The following TSPOAP1 variants were observed in gnomAD, a reference collection of about 807,000 sequenced individuals.
TSPOAP1 encodes the protein peripheral-type benzodiazepine receptor-associated protein 1.
In TSPOAP1, 87 loss-of-function variants were observed where a neutral mutation model predicts 197.0. The ratio of observed to expected loss-of-function variants is 0.44; its 90% confidence interval spans 0.37 to 0.53. The LOEUF is 0.53. Ranked by LOEUF, TSPOAP1 falls within the 20% of genes least tolerant of loss-of-function variation. The pLI, the probability that TSPOAP1 is intolerant of heterozygous loss-of-function variation, is 0.00. For missense variants in TSPOAP1, 2,174 were observed against 2,411.3 expected (o/e 0.90, Z 2.06); for synonymous variants, 913 against 998.9 (o/e 0.91, Z 1.62).
rs1264515766 is a variant in TSPOAP1, at chr17:58,305,160, A to G, written c.5445T>C (p.Asn1815=). 1.2e-6 allele frequency: 2 copies of G among 1,612,988 alleles called. No homozygotes were observed. Among genetic ancestry groups the G allele is most frequent in the East Asian group, 2.2e-5 (1 of 44,866 alleles). The change falls in exon 30 of 32, where the codon AAT becomes AAC. Residue 1815 remains asparagine (N), a synonymous_variant. Transcript: ENST00000343736. Reference sequence around the variant, plus strand: ...TGGATGGAACCAGGCCCCTTTGTCCATTTAATTCCCCCTGGAGAGAAGAGG... The same window carrying G: ...TGGATGGAACCAGGCCCCTTTGTCCGTTTAATTCCCCCTGGAGAGAAGAGG... The part of the protein sequence containing the change: ...DDDGFYYGEL[N]GQRGLVPSNF...
In TSPOAP1 at chr17:58,307,680, G is replaced by T. The variant is rs780942701; in HGVS notation, c.4914C>A (p.Pro1638=). 6.2e-7 allele frequency: 1 copy of T among 1,614,158 alleles called. No individual in the cohort carries two copies. The highest frequency in any genetic ancestry group is 8.5e-7 in the Non-Finnish European group (1 of 1,180,034). The change falls in exon 24 of 32, where the codon CCC becomes CCA. Residue 1638 remains proline, a synonymous_variant. Coordinates refer to ENST00000343736, the MANE Select transcript of TSPOAP1 (RefSeq NM_004758.4). The part of the protein sequence containing the change: ...RIFVALFDYD[P]VSMSPNPDAG... ...CATCAGGATTGGGCGACATTGACAC[G>T]GGGTCATAGTCAAACAGAGCCACAA... is the stretch of plus-strand genomic sequence containing the variant.
chr17:58,327,849 C>G lies in TSPOAP1; in HGVS notation c.72G>C (p.Trp24Cys), dbSNP rs569603248. 1 of 1,613,606 alleles carries G rather than the reference C, an allele frequency of 6.2e-7. No individual in the cohort carries two copies. The highest frequency in any genetic ancestry group is 1.3e-5 in the African/African-American group (1 of 74,934). ...CCCCTCGACCTGGAGTCCAGCTATGCCAGGTGGGCAGTGCCCATGGCTCCA... is the reference window on the plus strand; with the variant it reads ...CCCCTCGACCTGGAGTCCAGCTATGGCAGGTGGGCAGTGCCCATGGCTCCA... Reference protein sequence around the residue: ...GAMEPWALPTWHSWTPGRGGE... With the variant: ...GAMEPWALPTCHSWTPGRGGE... Residue 24 changes from tryptophan (W) to cysteine (C), a missense_variant, in exon 1 of 32, where the codon TGG (tryptophan) becomes TGC (cysteine). Around this residue, in one of 5 missense-constraint regions of TSPOAP1, gnomAD observed 1,933 missense variants for 2,139.0 expected, o/e 0.90. Coordinates refer to ENST00000343736, the MANE Select transcript of TSPOAP1 (RefSeq NM_004758.4).
Position 58,326,615 on chromosome 17 carries a change from T to G in TSPOAP1, c.441+68A>C. 1 of 1,565,176 alleles carries G rather than the reference T, an allele frequency of 6.4e-7. No homozygotes were observed. Among genetic ancestry groups the G allele is most frequent in the Non-Finnish European group, 8.8e-7 (1 of 1,138,424 alleles). On this transcript the variant is annotated intron_variant, in intron 2 of 31. Coordinates refer to ENST00000343736, the MANE Select transcript of TSPOAP1 (RefSeq NM_004758.4). The surrounding 1 kb of genome is among the most constrained non-coding windows in gnomAD (Gnocchi z 4.7). Reference sequence around the variant, plus strand: ...CCCACTTGGAAAGATGTTCATGGGGTGAGGAGGGCACTGAGGCAGAGGGCC... The same window carrying G: ...CCCACTTGGAAAGATGTTCATGGGGGGAGGAGGGCACTGAGGCAGAGGGCC...
At chr17:58,325,063 C>T in intron 4 of TSPOAP1, 61 bp from the exon 5 acceptor site, 1 of 1,408,140 alleles carries the variant, frequency 7.1e-7, no homozygotes, top group South Asian at 1.4e-5. Flanking sequence ...CGCCCCATGC[C>T]ATCCCCTGCA....
At chr17:58,305,980 C>A (rs781638492) in intron 26 of TSPOAP1, 115 bp from the exon 27 acceptor site, 10 of 1,218,426 alleles carry the variant, frequency 8.2e-6, no homozygotes, top group South Asian at 1.4e-5. Flanking sequence ...GGAAGGCTGC[C>A]GAGGGCGCAT....
In TSPOAP1 at chr17:58,309,453, G is replaced by A. The variant is rs774531531; in HGVS notation, c.3892-73C>T. On this transcript the variant is annotated intron_variant, in intron 21 of 31. Coordinates refer to ENST00000343736, the MANE Select transcript of TSPOAP1 (RefSeq NM_004758.4). This position sits in a 1 kb window ranked among gnomAD's most constrained non-coding sequence, Gnocchi z 5.0. ...TGCGTGGGGAAGAGGAGAGCGAGCT[G>A]CGATCTTTGCCCTCAAACGAAGGCA... 6.6e-7 allele frequency: 1 copy of A among 1,518,116 alleles called. No homozygotes were observed. Among genetic ancestry groups the A allele is most frequent in the Non-Finnish European group, 8.8e-7 (1 of 1,135,888 alleles). The allele number at this position is 1,518,116 out of a possible 1,614,324, so 94.0% of individuals were successfully genotyped here. A position where few individuals can be genotyped will look rare whatever the true frequency, so the allele number is the denominator to read the frequency against.
In TSPOAP1 at chr17:58,310,155, C is replaced by T. The variant is rs377509862; in HGVS notation, c.3703G>A (p.Glu1235Lys). ...TGAACCCCAAGCTCTGCTGTGTCCTCCTTCTGCAAGAAGTGAGGCAAGGCA... is the reference window on the plus strand; with the variant it reads ...TGAACCCCAAGCTCTGCTGTGTCCTTCTTCTGCAAGAAGTGAGGCAAGGCA... Reference protein sequence around the residue: ...GSGLRPRAEKEDTAELGVHLV... With the variant: ...GSGLRPRAEKKDTAELGVHLV... Residue 1235 changes from glutamate to lysine, a missense_variant, in exon 21 of 32, where the codon GAG (glutamate) becomes AAG (lysine). This residue lies in a region of TSPOAP1 where 1,933 missense variants were observed against 2,139.0 expected (regional missense o/e 0.90). Coordinates refer to ENST00000343736, the MANE Select transcript of TSPOAP1 (RefSeq NM_004758.4). 6 of 1,611,684 alleles carry T rather than the reference C, an allele frequency of 3.7e-6. No individual in the cohort carries two copies. Among genetic ancestry groups the T allele is most frequent in the Non-Finnish European group, 5.1e-6 (6 of 1,179,438 alleles).
rs1179881526 is a variant in TSPOAP1, at chr17:58,316,167, T to C, written c.1989-35A>G. ...GAGGCACAGAGGAGGAGGAGGAGAG[T>C]GACCTACACTCCACTTCCATGTCCT... On this transcript the variant is annotated intron_variant, in intron 15 of 31. Coordinates refer to ENST00000343736, the MANE Select transcript of TSPOAP1 (RefSeq NM_004758.4). The C allele has an allele frequency of 2.7e-6, 4 of 1,469,000 alleles. No individual in the cohort carries two copies. The Admixed American group carries it at 6.7e-5, about 25-fold the overall frequency. 91.0% of individuals were successfully genotyped at this position (1,469,000 alleles called of 1,614,324 possible).
intron 10 of TSPOAP1, among the ~76,000 whole-genome samples, chr17:58,321,722 C>G (rs1017834200): frequency 3.9e-5 from 6 of 152,222 alleles, no homozygotes; most frequent in Admixed American, 6.5e-5. Context: ...AGGCCCTGCT[C>G]CACGCCTGCT....
chr17:58,311,914 C>T lies in TSPOAP1; in HGVS notation c.2907G>A (p.Leu969=), dbSNP rs371464337. 3.6e-5 allele frequency: 56 copies of T among 1,560,478 alleles called. No homozygotes were observed. The African/African-American group carries it at 6.5e-4, about 18-fold the overall frequency. Residue 969 remains leucine (L), a synonymous_variant, in exon 17 of 32, where the codon CTG becomes CTA. Coordinates refer to ENST00000343736, the MANE Select transcript of TSPOAP1 (RefSeq NM_004758.4). ...TACCTGCTGGGAGTGTGGTGAACTG[C>T]AGGGTGGCAGCCCGCTGCTCCAGCC... ...WERLEQRAAT[L]QFTTLPAGPP...
chr17:58,316,974 A>AT (rs1394326134), intron 14 of TSPOAP1, among the ~76,000 whole-genome samples: 11 of 152,232 alleles, frequency 7.2e-5, no homozygotes, highest in Non-Finnish European at 1.5e-4. Context: ...AGGAGGGCAG[A>AT]TTGCTTGAGC....
chr17:58,308,528 A>G lies in TSPOAP1; in HGVS notation c.4731+13T>C. On this transcript the variant is annotated intron_variant, in intron 22 of 31. Transcript: ENST00000343736. ...CAGGCAGGGGCTGCCCAGGGCGGGGAGTGAGCACGGACCCGGGAGAGTGGC... is the reference window on the plus strand; with the variant it reads ...CAGGCAGGGGCTGCCCAGGGCGGGGGGTGAGCACGGACCCGGGAGAGTGGC... 3 of 1,509,646 alleles carry G rather than the reference A, an allele frequency of 2.0e-6. No individual in the cohort carries two copies. 93.5% of individuals were successfully genotyped at this position (1,509,646 alleles called of 1,614,324 possible).
Position 58,327,914 on chromosome 17 carries a change from G to T in TSPOAP1, c.7C>A (p.Gln3Lys). The T allele has an allele frequency of 6.3e-7, 1 of 1,597,028 alleles. No homozygotes were observed. The highest frequency in any genetic ancestry group is 1.7e-4 in the Middle Eastern group (1 of 6,018). Residue 3 changes from glutamine to lysine, a missense_variant, in exon 1 of 32, where the codon CAA becomes AAA. Gln to Lys is a moderately conservative substitution (Grantham distance 53). Transcript: ENST00000343736. ME[Q>K]LTTLPRPGDP... is the part of the protein sequence containing the mutation. ...CCAGGCCGTGGGAGGGTTGTCAGTT[G>T]CTCCATGGTACTGCCAAGGGGCCCC...
Position 58,308,943 on chromosome 17 carries a change from C to T in TSPOAP1, c.4329G>A (p.Leu1443=). 1 of 1,603,108 alleles carries T rather than the reference C, an allele frequency of 6.2e-7. No homozygotes were observed. Among genetic ancestry groups the T allele is most frequent in the Non-Finnish European group, 8.5e-7 (1 of 1,175,156 alleles). Residue 1443 remains leucine (L), a synonymous_variant, in exon 22 of 32, where the codon CTG becomes CTA. Coordinates refer to ENST00000343736, the MANE Select transcript of TSPOAP1 (RefSeq NM_004758.4). ...GGCCACCCCTCTCCCGTGTGGGGCCCAGTCGTCCAGAGGCCTGGGGCCCAT... is the reference window on the plus strand; with the variant it reads ...GGCCACCCCTCTCCCGTGTGGGGCCTAGTCGTCCAGAGGCCTGGGGCCCAT... ...SNNGPQASGR[L]GPTRERGGLP...
intron 12 of TSPOAP1, 138 bp downstream of exon 12, chr17:58,319,971 C>A: frequency 8.6e-7 from 1 of 1,157,520 alleles, no homozygotes; most frequent in Non-Finnish European, 1.3e-6. Flanking sequence ...GGGAACTCCA[C>A]CCCCTATGGA....
At chr17:58,317,835 G>T (rs1971285076) in intron 14 of TSPOAP1, among the ~76,000 whole-genome samples, 1 of 152,216 alleles carries the variant, frequency 6.6e-6, no homozygotes, top group East Asian at 1.9e-4. Context: ...GGTTTTATTA[G>T]CTCCAAGATT....
Position 58,302,158 on chromosome 17 carries a change from A to T in TSPOAP1, c.*322T>A. The T allele has an allele frequency of 9.9e-7, 1 of 1,005,480 alleles. No individual in the cohort carries two copies. Among genetic ancestry groups the T allele is most frequent in the Non-Finnish European group, 1.3e-6 (1 of 764,292 alleles). The allele number at this position is 1,005,480 out of a possible 1,614,324, so 62.3% of individuals were successfully genotyped here. Reference sequence around the variant, plus strand: ...GATTCCCTCTGAATGCCACAGTGTTAACGCAGAAGAACGGGGGCTCTGGGC... The same window carrying T: ...GATTCCCTCTGAATGCCACAGTGTTTACGCAGAAGAACGGGGGCTCTGGGC... On this transcript the variant is annotated 3_prime_UTR_variant, in exon 32 of 32. Coordinates refer to ENST00000343736, the MANE Select transcript of TSPOAP1 (RefSeq NM_004758.4).
Position 58,322,701 on chromosome 17 carries a change from T to A in TSPOAP1, c.1270A>T (p.Ser424Cys). The A allele has an allele frequency of 6.2e-7, 1 of 1,612,360 alleles. No homozygotes were observed. Among genetic ancestry groups the A allele is most frequent in the Admixed American group, 1.7e-5 (1 of 60,004 alleles). ...TCCAGCTTGCTCTGCAGGCCCTGGC[T>A]CTTGCGAAGGGCTGAGTCCCTCTCC... ...TQERDSALRK[S>C]QGLQSKLESL... The change falls in exon 9 of 32, where the codon AGC (serine) becomes TGC (cysteine). Residue 424 changes from serine (S) to cysteine (C), a missense_variant. Ser to Cys is a moderately radical substitution (Grantham distance 112). Transcript: ENST00000343736. This position sits in a 1 kb window ranked among gnomAD's most constrained non-coding sequence, Gnocchi z 5.0.
In TSPOAP1 at chr17:58,314,131, A is replaced by AG. The variant is rs1971147856; in HGVS notation, c.2099-1410dup. Among the ~76,000 whole-genome samples the AG allele has an allele frequency of 2.0e-5, 3 of 152,086 alleles. No individual in the cohort carries two copies. The South Asian group carries it at 6.2e-4, about 32-fold the overall frequency. ...GTGAGTGTAGGCAGGTCTGAGCTGC[A>AG]GGGGGGCCTGGAGTTTCCCCCAACA... is the stretch of plus-strand genomic sequence containing the variant. On this transcript the variant is annotated intron_variant, in intron 16 of 31. Coordinates refer to ENST00000343736, the MANE Select transcript of TSPOAP1 (RefSeq NM_004758.4).
Sources: gnomAD v4.1 joint callset for allele counts (sites outside exome capture counted in the v4.1 genomes callset) on GRCh38, gnomAD v4.1.1 for gene constraint, gnomAD v4.1.1 regional missense constraint, Gnocchi (gnomAD v3.1) non-coding constraint, MANE v1.5 for transcripts, NCBI Gene and HGNC (gene_info 2026-07-23, HGNC 2026-07-21) for gene names.